The following BRD3 variants were observed in gnomAD, a reference collection of about 807,000 sequenced individuals.
BRD3 encodes the protein bromodomain-containing protein 3.
In BRD3, 17 loss-of-function variants were observed where a neutral mutation model predicts 66.8. The observed-to-expected ratio is 0.25, with a 90% CI of 0.17 to 0.38. The LOEUF is 0.38. Among genes scored for constraint, BRD3 ranks in the 10% least tolerant of loss-of-function variants. The pLI is 1.00. For missense variants in BRD3, 713 were observed against 956.1 expected, an observed-to-expected ratio of 0.75 and a Z score of 3.35; for synonymous variants, 421 against 393.2, an observed-to-expected ratio of 1.07 and a Z score of -0.84.
At chr9:134,053,805 C>T (rs1259866716) in intron 1 of BRD3, 1 of 338,026 alleles carries the variant, frequency 3.0e-6, no homozygotes. Context: ...AACCACTGCT[C>T]TCAGGCACGG....
intron 1 of BRD3, among the ~76,000 whole-genome samples, chr9:134,062,899 C>T (rs1022129884): frequency 3.9e-5 from 6 of 152,210 alleles, no homozygotes; most frequent in African/African-American, 1.2e-4. Context: ...AAGGAGACAC[C>T]GTGCTCTTAG....
chr9:134,051,557 T>G lies in BRD3; in HGVS notation c.499+5A>C. On this transcript the variant is annotated splice_donor_5th_base_variant and intron_variant, in intron 4 of 11. Coordinates refer to ENST00000303407, the MANE Select transcript of BRD3 (RefSeq NM_007371.4). ...CAGCCCCTCGCCTGCCCCAGCTCCC[T>G]TTACCTGCGCTCTGGGCTCCCGCAG... is the stretch of plus-strand genomic sequence containing the variant. 6.5e-7 allele frequency: 1 copy of G among 1,541,238 alleles called. No individual in the cohort carries two copies. The highest frequency in any genetic ancestry group is 8.6e-7 in the Non-Finnish European group (1 of 1,156,298).
chr9:134,038,267 G>A (rs1470207626), intron 9 of BRD3, among the ~76,000 whole-genome samples: 1 of 151,130 alleles, frequency 6.6e-6, no homozygotes, highest in Non-Finnish European at 1.5e-5. Flanking sequence ...AGATTCTCCT[G>A]TCTCAGCCTC....
intron 6 of BRD3, 42 bp downstream of exon 6, chr9:134,048,041 G>A (rs200486632): frequency 6.2e-5 from 93 of 1,506,536 alleles, no homozygotes; most frequent in African/African-American, 8.4e-5. Flanking sequence ...CGGCAGAGCC[G>A]CAGGACATGG....
At chr9:134,063,614 C>T (rs1830588072) in intron 1 of BRD3, among the ~76,000 whole-genome samples, 1 of 152,212 alleles carries the variant, frequency 6.6e-6, no homozygotes. Context: ...TGCATCTGTG[C>T]CTCATCTCGG....
Position 134,048,727 on chromosome 9 carries a change from C to T in BRD3, c.715-273G>A, listed in dbSNP as rs569549553. On this transcript the variant is annotated intron_variant, in intron 5 of 11. Coordinates refer to ENST00000303407, the MANE Select transcript of BRD3 (RefSeq NM_007371.4). ...GGGGAGATACCTCTCTCCCTTAGCC[C>T]CGAGGGCTCAGGGGTCCCGGGTGGG... Among the ~76,000 whole-genome samples the T allele has an allele frequency of 7.6e-4, 116 of 152,264 alleles. 1 individual carries two copies. The highest frequency in any genetic ancestry group is 6.2e-4 in the South Asian group (3 of 4,834).
intron 8 of BRD3, among the ~76,000 whole-genome samples, chr9:134,040,643 C>T (rs467369): frequency 0.57 from 87,098 of 152,106 alleles, 25,173 homozygotes; most frequent in Middle Eastern, 0.7. Context: ...ACATGTGCCA[C>T]GGTAGTTTGC....
At position 134,033,976 on chromosome 9, in the gene BRD3, G is replaced by T. The variant is rs892629029; in HGVS notation, c.2066-271C>A. Among the ~76,000 whole-genome samples, 1 of 152,194 alleles carries T rather than the reference G, an allele frequency of 6.6e-6. No individual in the cohort carries two copies. On this transcript the variant is annotated intron_variant, in intron 11 of 11. Transcript: ENST00000303407. The surrounding 1 kb of genome is among the most constrained non-coding windows in gnomAD (Gnocchi z 5.1). ...CATCAAAAACATCCACCAGTCACAT[G>T]GCCACCAGCAGCGACAGGAACACCA...
Position 134,034,752 on chromosome 9 carries a change from G to C in BRD3, c.2014C>G (p.Leu672Val). 1 of 1,610,482 alleles carries C rather than the reference G, an allele frequency of 6.2e-7. No individual in the cohort carries two copies. Among genetic ancestry groups the C allele is most frequent in the Non-Finnish European group, 8.5e-7 (1 of 1,179,998 alleles). The change falls in exon 11 of 12, where the codon CTG becomes GTG. Residue 672 changes from leucine to valine, a missense_variant. Coordinates refer to ENST00000303407, the MANE Select transcript of BRD3 (RefSeq NM_007371.4). Reference sequence around the variant, plus strand: ...CTCAGCTGCCCGCTGACATCCTGCAGACGCTTTTCCAGCTCCTTCTTCTTT... The same window carrying C: ...CTCAGCTGCCCGCTGACATCCTGCACACGCTTTTCCAGCTCCTTCTTCTTT... ...QEKKKELEKR[L>V]QDVSGQLSSS... is the part of the protein sequence containing the mutation.
intron 10 of BRD3, among the ~76,000 whole-genome samples, 184 bp from the exon 11 acceptor site, chr9:134,035,013 C>T (rs1843578136): frequency 6.6e-6 from 1 of 152,224 alleles, no homozygotes; most frequent in African/African-American, 2.4e-5. Context: ...GCAGAAATGA[C>T]TGGGATGAGA....
chr9:134,053,521 G>C lies in BRD3; in HGVS notation c.-44C>G, dbSNP rs1301846227. 3 of 1,523,236 alleles carry C rather than the reference G, an allele frequency of 2.0e-6. No individual in the cohort carries two copies. The South Asian group carries it at 3.7e-5, about 19-fold the overall frequency. 94.4% of individuals were successfully genotyped at this position (1,523,236 alleles called of 1,614,324 possible). On this transcript the variant is annotated 5_prime_UTR_variant, in exon 2 of 12. Transcript: ENST00000303407. ...CTTTCTGTCACAGCAGCGGCTTGGAGAGGCCCTGGCTGCTTCTACGCTCCC... is the reference window on the plus strand; with the variant it reads ...CTTTCTGTCACAGCAGCGGCTTGGACAGGCCCTGGCTGCTTCTACGCTCCC...
In BRD3 at chr9:134,032,209, A is replaced by G. The variant is rs955223681; in HGVS notation, c.*1381T>C. On this transcript the variant is annotated 3_prime_UTR_variant, in exon 12 of 12. Transcript: ENST00000303407. Reference sequence around the variant, plus strand: ...AACATCACCTTCTATTAAACTCTGTATATTATTATTTTTTACAATAGAAAG... The same window carrying G: ...AACATCACCTTCTATTAAACTCTGTGTATTATTATTTTTTACAATAGAAAG... 16 of 214,810 alleles carry G rather than the reference A, an allele frequency of 7.4e-5. No homozygotes were observed. The highest frequency in any genetic ancestry group is 2.7e-4 in the African/African-American group (12 of 44,198). The allele number at this position is 214,810 out of a possible 1,614,324, so 13.3% of individuals were successfully genotyped here.
chr9:134,042,668 CACAT>C lies in BRD3; in HGVS notation c.1216-721_1216-718del, dbSNP rs1336655043. 6.2e-5 allele frequency among the ~76,000 whole-genome samples: 9 copies of C among 146,068 alleles called. No individual in the cohort carries two copies. In the East Asian group the frequency reaches 6.4e-4, roughly 10 times the overall value. On this transcript the variant is annotated intron_variant, in intron 7 of 11. Coordinates refer to ENST00000303407, the MANE Select transcript of BRD3 (RefSeq NM_007371.4). ...ATATACACACACACACACACACACA[CACAT>C]ATATATACACACACACACATATACA... is the stretch of plus-strand genomic sequence containing the variant.
intron 4 of BRD3, 27 bp downstream of exon 4, chr9:134,051,535 C>A: frequency 6.6e-7 from 1 of 1,506,968 alleles, no homozygotes; most frequent in South Asian, 1.3e-5. Flanking sequence ...AGAGGCCCAG[C>A]CCCTCGCCTG....
At chr9:134,066,226 C>T (rs971907192) in intron 1 of BRD3, among the ~76,000 whole-genome samples, 1 of 152,150 alleles carries the variant, frequency 6.6e-6, no homozygotes, top group Non-Finnish European at 1.5e-5. Flanking sequence ...TGAGGCTACC[C>T]GGAAGGTCAG....
At chr9:134,057,476 A>G (rs1165420020) in intron 1 of BRD3, 1 of 152,328 alleles carries the variant, frequency 6.6e-6, no homozygotes, top group East Asian at 1.9e-4. Flanking sequence ...AAACACCACA[A>G]ACAGCACAGG....
rs1053153569 is a variant in BRD3, at chr9:134,045,485, C to T, written c.1087-64G>A. On this transcript the variant is annotated intron_variant, in intron 6 of 11. Coordinates refer to ENST00000303407, the MANE Select transcript of BRD3 (RefSeq NM_007371.4). This position sits in a 1 kb window ranked among gnomAD's most constrained non-coding sequence, Gnocchi z 4.8. ...GTGGCATCAGGACTCTCTGCCACACCCCACGAGATGAACTCTGGAGCCTCA... is the reference window on the plus strand; with the variant it reads ...GTGGCATCAGGACTCTCTGCCACACTCCACGAGATGAACTCTGGAGCCTCA... 2 of 1,601,774 alleles carry T rather than the reference C, an allele frequency of 1.2e-6. No individual in the cohort carries two copies. The highest frequency in any genetic ancestry group is 2.2e-5 in the South Asian group (2 of 90,348).
At position 134,034,953 on chromosome 9, in the gene BRD3, C is replaced by G. The variant is rs1214178302; in HGVS notation, c.1937-124G>C. The G allele has an allele frequency of 7.6e-6, 11 of 1,441,344 alleles. No individual in the cohort carries two copies. The African/African-American group carries it at 9.9e-5, about 13-fold the overall frequency. The allele number at this position is 1,441,344 out of a possible 1,614,324, so 89.3% of individuals were successfully genotyped here. Reference sequence around the variant, plus strand: ...GCATCCATGCCAGCTGCCCAGCTTTCATGAGTCTGGGAGCTGACAGATGCA... The same window carrying G: ...GCATCCATGCCAGCTGCCCAGCTTTGATGAGTCTGGGAGCTGACAGATGCA... On this transcript the variant is annotated intron_variant, in intron 10 of 11. Coordinates refer to ENST00000303407, the MANE Select transcript of BRD3 (RefSeq NM_007371.4).
At chr9:134,056,264 G>A (rs978851170) in intron 1 of BRD3, among the ~76,000 whole-genome samples, 2 of 152,222 alleles carry the variant, frequency 1.3e-5, no homozygotes, top group Admixed American at 6.5e-5. Context: ...GGCCCTGAGG[G>A]TGCAGTTTGC....
Sources: gnomAD v4.1 joint callset for allele counts (sites outside exome capture counted in the v4.1 genomes callset) on GRCh38, gnomAD v4.1.1 for gene constraint, Gnocchi (gnomAD v3.1) non-coding constraint, MANE v1.5 for transcripts, NCBI Gene and HGNC (gene_info 2026-07-23, HGNC 2026-07-21) for gene names.